CCSER1: variants seen among roughly 807,000 people sequenced by gnomAD.
CCSER1 encodes coiled-coil serine rich protein 1.
In CCSER1, 41 loss-of-function variants were observed where a neutral mutation model predicts 82.0. That is an observed-to-expected ratio of 0.50 (90% CI 0.39 to 0.65). CCSER1 has a LOEUF of 0.65. Ranked by LOEUF, CCSER1 falls within the 30% of genes least tolerant of loss-of-function variation. The probability of loss-of-function intolerance (pLI) is 0.00; values close to 1 mark genes in which losing one functional copy is unlikely to be tolerated. For missense variants in CCSER1, 1,119 were observed against 1,064.2 expected (o/e 1.05, Z -0.72); for synonymous variants, 414 against 383.9 (o/e 1.08, Z -0.92).
intron 10 of CCSER1, among the ~76,000 whole-genome samples, chr4:91,168,409 C>T (rs1349964940): frequency 6.7e-6 from 1 of 148,194 alleles, no homozygotes; most frequent in African/African-American, 2.5e-5. Flanking sequence ...GCCGCCCCGT[C>T]TGGGAAGTGG....
At chr4:90,533,744 G>C (rs919429616) in intron 5 of CCSER1, among the ~76,000 whole-genome samples, 4 of 152,146 alleles carry the variant, frequency 2.6e-5, no homozygotes, top group Admixed American at 6.5e-5. Flanking sequence ...TTTTAAGGTG[G>C]AGAATGTAAA....
chr4:91,444,458 C>CT (rs5860234), intron 10 of CCSER1, among the ~76,000 whole-genome samples: 120,381 of 149,930 alleles, frequency 0.8, 48,484 homozygotes, highest in East Asian at 0.9. Flanking sequence ...AATTCTTTTG[C>CT]TTTTTTTTTG....
chr4:90,957,978 G>C (rs774196411), intron 9 of CCSER1, among the ~76,000 whole-genome samples: 2 of 152,000 alleles, frequency 1.3e-5, no homozygotes, highest in Non-Finnish European at 2.9e-5. Flanking sequence ...AGTGAATAAT[G>C]TGTTACAGTT....
At chr4:90,612,843 A>G (rs1180528608) in intron 5 of CCSER1, among the ~76,000 whole-genome samples, 8 of 152,172 alleles carry the variant, frequency 5.3e-5, no homozygotes, top group Admixed American at 1.3e-4. Context: ...ACACCAGCAT[A>G]TTAGCTGGAT....
intron 10 of CCSER1, among the ~76,000 whole-genome samples, chr4:91,435,255 G>A (rs961105357): frequency 1.3e-5 from 2 of 152,068 alleles, no homozygotes; most frequent in African/African-American, 4.8e-5. Flanking sequence ...GCGTAGACAA[G>A]ATGATGAAAC....
chr4:90,220,363 A>G (rs1036988404), intron 1 of CCSER1, among the ~76,000 whole-genome samples: 2 of 151,842 alleles, frequency 1.3e-5, no homozygotes, highest in African/African-American at 4.8e-5. Flanking sequence ...ACAACAAACT[A>G]TGCTTCTCTG....
intron 10 of CCSER1, among the ~76,000 whole-genome samples, chr4:91,337,145 A>G (rs561916016): frequency 6.6e-6 from 1 of 152,186 alleles, no homozygotes; most frequent in Non-Finnish European, 1.5e-5. Context: ...AGTCAAGTTT[A>G]GATTACTGAT....
Position 90,933,218 on chromosome 4 carries a change from C to T in CCSER1, c.2172+9771C>T, listed in dbSNP as rs1203469313. 2.7e-5 allele frequency among the ~76,000 whole-genome samples: 4 copies of T among 149,102 alleles called. No homozygotes were observed. In the South Asian group the frequency reaches 6.4e-4, roughly 24 times the overall value. On this transcript the variant is annotated intron_variant, in intron 9 of 10. Transcript: ENST00000509176. Reference sequence around the variant, plus strand: ...TATTTTTTTTTTTGAGACGGAGTCTCGCTCTGTCGCCGAGGCTGGAGTGCG... The same window carrying T: ...TATTTTTTTTTTTGAGACGGAGTCTTGCTCTGTCGCCGAGGCTGGAGTGCG...
chr4:90,585,000 C>T (rs927445496), intron 5 of CCSER1, among the ~76,000 whole-genome samples: 3 of 151,998 alleles, frequency 2.0e-5, no homozygotes, highest in African/African-American at 4.8e-5. Flanking sequence ...GCTTGTATCC[C>T]GAGAGTGCTC....
chr4:90,140,540 A>G (rs1166750991), intron 1 of CCSER1, among the ~76,000 whole-genome samples: 1 of 152,016 alleles, frequency 6.6e-6, no homozygotes, highest in East Asian at 1.9e-4. Flanking sequence ...ATGAAGACAA[A>G]CTTGTATCAA....
chr4:91,174,837 T>A (rs1045633591), intron 10 of CCSER1, among the ~76,000 whole-genome samples: 6 of 142,432 alleles, frequency 4.2e-5, no homozygotes, highest in African/African-American at 1.5e-4. Context: ...TTTTTTTTTA[T>A]TATACTTTAA....
At chr4:90,669,205 TCTC>T (rs1359823388) in intron 6 of CCSER1, among the ~76,000 whole-genome samples, 2 of 152,102 alleles carry the variant, frequency 1.3e-5, no homozygotes, top group African/African-American at 2.4e-5. Context: ...TGAGTGGTCA[TCTC>T]CTTCTTTCTC....
intron 10 of CCSER1, among the ~76,000 whole-genome samples, chr4:91,507,445 T>A (rs1026380023): frequency 7.9e-5 from 12 of 152,118 alleles, no homozygotes; most frequent in East Asian, 1.9e-4. Flanking sequence ...TTATTTATTT[T>A]TTAGACAGAG....
At chr4:90,301,364 T>A (rs1044619095) in intron 1 of CCSER1, among the ~76,000 whole-genome samples, 2 of 152,110 alleles carry the variant, frequency 1.3e-5, no homozygotes, top group Non-Finnish European at 2.9e-5. Context: ...GTTGGAGAGG[T>A]CATTGAATAA....
rs1466696106 is a variant in CCSER1 at position 91,604,236 on chromosome 4, T to C, written c.*5179T>C. ...ATTTATATCATGCTTATCTCCAGAA[T>C]AGGATCTCTCCTAAGGAGGCAGAGT... is the stretch of plus-strand genomic sequence containing the variant. On this transcript the variant is annotated 3_prime_UTR_variant, in exon 11 of 11. Transcript: ENST00000509176. The C allele has an allele frequency of 6.6e-6, 1 of 152,078 alleles. No homozygotes were observed. The highest frequency in any genetic ancestry group is 2.4e-5 in the African/African-American group (1 of 41,440). The allele number at this position is 152,078 out of a possible 1,614,324, so 9.4% of individuals were successfully genotyped here.
intron 10 of CCSER1, among the ~76,000 whole-genome samples, chr4:91,154,822 G>T (rs140614294): frequency 6.6e-6 from 1 of 151,838 alleles, no homozygotes; most frequent in African/African-American, 2.4e-5. Context: ...TATATCAGGC[G>T]CAGTTTTAAG....
rs565407268 is a variant in CCSER1 at position 91,137,804 on chromosome 4, G to A, written c.2217+51810G>A. Among the ~76,000 whole-genome samples the A allele has an allele frequency of 5.9e-5, 9 of 151,554 alleles. No individual in the cohort carries two copies. In the East Asian group the frequency reaches 1.8e-3, roughly 30 times the overall value. On this transcript the variant is annotated intron_variant, in intron 10 of 10. Coordinates refer to ENST00000509176, the MANE Select transcript of CCSER1 (RefSeq NM_001145065.2). ...TATACACCAACAACAGACAAACAGA[G>A]AGCCAAATCATGAGTGAAATCCCAT...
intron 9 of CCSER1, among the ~76,000 whole-genome samples, chr4:91,078,071 T>A (rs2148790346): frequency 6.6e-6 from 1 of 152,336 alleles, no homozygotes; most frequent in South Asian, 2.1e-4. Flanking sequence ...AATGTCCCTG[T>A]CTGGCGGCTT....
intron 5 of CCSER1, among the ~76,000 whole-genome samples, chr4:90,485,408 G>A (rs568259773): frequency 2.8e-4 from 43 of 152,106 alleles, no homozygotes; most frequent in South Asian, 4.1e-4. Context: ...GCACTCCCCC[G>A]TGAGATGAAC....
Sources: allele counts gnomAD v4.1 joint callset (sites outside exome capture counted in the v4.1 genomes callset), GRCh38; gene constraint gnomAD v4.1.1; transcripts MANE v1.5; gene names NCBI Gene and HGNC (gene_info 2026-07-23, HGNC 2026-07-21).